The following USP20 variants were observed in gnomAD, a reference collection of about 807,000 sequenced individuals.
USP20 encodes ubiquitin specific peptidase 20, also known as ubiquitin carboxyl-terminal hydrolase 20.
In USP20, 80 loss-of-function variants were observed where a neutral mutation model predicts 124.2. That is an observed-to-expected ratio of 0.64 (90% CI 0.54 to 0.78). The LOEUF is 0.78. Ranked by LOEUF, USP20 falls within the 30% of genes least tolerant of loss-of-function variation. USP20 has a pLI of 0.00. For synonymous variants in USP20, 481 were observed against 512.3 expected (o/e 0.94, Z 0.83); for missense variants, 1,043 against 1,244.4 (o/e 0.84, Z 2.44).
chr9:129,856,250 C>T (rs776171521), intron 3 of USP20, 57 bp from the exon 4 acceptor site: 7 of 1,562,816 alleles, frequency 4.5e-6, no homozygotes, highest in Non-Finnish European at 6.2e-6. Context: ...TCTCAGTGCT[C>T]AGCCCCGCAA....
rs1047924087 is a variant in USP20 at position 129,861,437 on chromosome 9, G to T, written c.428-106G>T. The T allele has an allele frequency of 3.0e-6, 3 of 1,003,588 alleles. No individual in the cohort carries two copies. The African/African-American group carries it at 4.7e-5, about 16-fold the overall frequency. 62.2% of individuals were successfully genotyped at this position (1,003,588 alleles called of 1,614,324 possible). On this transcript the variant is annotated intron_variant, in intron 7 of 25. Coordinates refer to ENST00000372429, the MANE Select transcript of USP20 (RefSeq NM_001110303.4). The stretch of plus-strand genomic sequence containing the variant: ...CGCTTCCACCATGTCCTCTTCTTGG[G>T]TCTTGGGCAGTTGAGAGCCACACCT...
intron 7 of USP20, 48 bp downstream of exon 7, chr9:129,861,081 CTCA>C (rs2033523315): frequency 1.9e-6 from 3 of 1,567,274 alleles, no homozygotes; most frequent in Admixed American, 3.4e-5. Flanking sequence ...GCTGGGGGCC[CTCA>C]TCTGGAGGCT....
At chr9:129,855,679 G>A (rs967805032) in intron 3 of USP20, among the ~76,000 whole-genome samples, 3 of 152,164 alleles carry the variant, frequency 2.0e-5, no homozygotes, top group Non-Finnish European at 4.4e-5. Context: ...ACATGATCAT[G>A]GTGGAAGCTG....
At chr9:129,841,259 CT>C (rs1346052811) in intron 1 of USP20, among the ~76,000 whole-genome samples, 1 of 152,188 alleles carries the variant, frequency 6.6e-6, no homozygotes. Context: ...AGATGGCCAT[CT>C]TCTCACTGTG....
At chr9:129,851,079 G>A (rs963821064) in intron 2 of USP20, among the ~76,000 whole-genome samples, 12 of 152,128 alleles carry the variant, frequency 7.9e-5, no homozygotes, top group African/African-American at 2.9e-4. Context: ...GCTATAATCA[G>A]CAGTCAGATT....
Position 129,880,015 on chromosome 9 carries a change from C to T in USP20, c.2585-98C>T, listed in dbSNP as rs375791775. ...ATAGAAGCCCTGGTTGCCGTCTTCC[C>T]GCTTCGGGGCCTGGCCCTGCGGAGC... On this transcript the variant is annotated intron_variant, in intron 24 of 25. Coordinates refer to ENST00000372429, the MANE Select transcript of USP20 (RefSeq NM_001110303.4). 3.0e-4 allele frequency: 438 copies of T among 1,462,940 alleles called. 4 individuals are homozygous for T. In the South Asian group the frequency reaches 4.8e-3, roughly 16 times the overall value. The allele number at this position is 1,462,940 out of a possible 1,614,324, so 90.6% of individuals were successfully genotyped here.
Position 129,875,549 on chromosome 9 carries a change from C to G in USP20, c.2219-11C>G, listed in dbSNP as rs758661404. The G allele has an allele frequency of 5.0e-6, 8 of 1,613,968 alleles. No individual in the cohort carries two copies. The African/African-American group carries it at 1.1e-4, about 22-fold the overall frequency. ...CGAGCCACAGCTTCGCTCCCTGTACCTTCTTCCCAGGCATCCCGCCCCACA... is the reference window on the plus strand; with the variant it reads ...CGAGCCACAGCTTCGCTCCCTGTACGTTCTTCCCAGGCATCCCGCCCCACA... On this transcript the variant is annotated splice_polypyrimidine_tract_variant and intron_variant, in intron 20 of 25. Coordinates refer to ENST00000372429, the MANE Select transcript of USP20 (RefSeq NM_001110303.4).
At chr9:129,855,639 C>T (rs144335532) in intron 3 of USP20, among the ~76,000 whole-genome samples, 112 of 152,142 alleles carry the variant, frequency 7.4e-4, no homozygotes, top group South Asian at 1.2e-3. Context: ...TGGCACACAT[C>T]GTTTTTGCTA....
rs762386824 is a variant in USP20, at chr9:129,880,227, A to C, written c.2699A>C (p.Asn900Thr). ...GTGGCGCAGCCGCTGGGCCCAGAGA[A>C]CCTGCACGGGGAGCAGAAGATCGAA... ...QSVAQPLGPENLHGEQKIEAE... is the reference protein window; with the variant it reads ...QSVAQPLGPETLHGEQKIEAE... Residue 900 changes from asparagine to threonine, a missense_variant, in exon 25 of 26, where the codon AAC becomes ACC. Transcript: ENST00000372429. The C allele has an allele frequency of 6.2e-7, 1 of 1,612,988 alleles. No individual in the cohort carries two copies. The highest frequency in any genetic ancestry group is 8.5e-7 in the Non-Finnish European group (1 of 1,179,736).
chr9:129,861,898 A>T (rs1193100635), intron 8 of USP20, among the ~76,000 whole-genome samples: 4 of 152,236 alleles, frequency 2.6e-5, no homozygotes, highest in Admixed American at 6.5e-5. Flanking sequence ...AAATTCTCAT[A>T]GCCCTTGCAG....
Position 129,868,196 on chromosome 9 carries a change from G to C in USP20, c.882G>C (p.Glu294Asp). 6.2e-7 allele frequency: 1 copy of C among 1,614,086 alleles called. No individual in the cohort carries two copies. Among genetic ancestry groups the C allele is most frequent in the Non-Finnish European group, 8.5e-7 (1 of 1,179,958 alleles). ...LSCDSSSDRG[E>D]GDGQGRGGGS... ...GTGACTCGAGCAGTGACCGGGGTGA[G>C]GGTGACGGGCAGGGGCGTGGCGGGG... The change falls in exon 11 of 26, where the codon GAG becomes GAC. Residue 294 changes from glutamate to aspartate, a missense_variant. Physicochemically the swap from Glu to Asp is conservative, Grantham distance 45. Coordinates refer to ENST00000372429, the MANE Select transcript of USP20 (RefSeq NM_001110303.4).
At chr9:129,872,027 T>C (rs1221943167) in intron 15 of USP20, among the ~76,000 whole-genome samples, 1 of 152,030 alleles carries the variant, frequency 6.6e-6, no homozygotes, top group African/African-American at 2.4e-5. Flanking sequence ...CGTTGTGGTT[T>C]TGATTTGCAT....
Position 129,879,444 on chromosome 9 carries a change from G to A in USP20, c.2513-129G>A. Reference sequence around the variant, plus strand: ...CACAGAGGAGCATTGGGTGGCTCAGGCGCCTCATCCATTAGAGACTTCACG... The same window carrying A: ...CACAGAGGAGCATTGGGTGGCTCAGACGCCTCATCCATTAGAGACTTCACG... On this transcript the variant is annotated intron_variant, in intron 23 of 25. Coordinates refer to ENST00000372429, the MANE Select transcript of USP20 (RefSeq NM_001110303.4). The surrounding 1 kb of genome is among the most constrained non-coding windows in gnomAD (Gnocchi z 4.2). The A allele has an allele frequency of 2.4e-6, 2 of 832,452 alleles. No homozygotes were observed. The highest frequency in any genetic ancestry group is 2.0e-6 in the Non-Finnish European group (1 of 508,538). 51.6% of individuals were successfully genotyped at this position (832,452 alleles called of 1,614,324 possible). A position where few individuals can be genotyped will look rare whatever the true frequency, so the allele number is the denominator to read the frequency against.
chr9:129,858,352 C>T, intron 5 of USP20, 115 bp from the exon 6 acceptor site: 1 of 1,493,802 alleles, frequency 6.7e-7, no homozygotes, highest in Non-Finnish European at 9.2e-7. Flanking sequence ...GAGCTTCCGG[C>T]CTCTGTCCTG....
In USP20 at chr9:129,880,217, G is replaced by A. The variant is rs764291439; in HGVS notation, c.2689G>A (p.Gly897Ser). The A allele has an allele frequency of 3.1e-6, 5 of 1,613,454 alleles. No individual in the cohort carries two copies. In the South Asian group the frequency reaches 4.4e-5, roughly 14 times the overall value. ...AIRQSVAQPL[G>S]PENLHGEQKI... ...CCGCCAGAGTGTGGCGCAGCCGCTG[G>A]GCCCAGAGAACCTGCACGGGGAGCA... is the stretch of plus-strand genomic sequence containing the variant. The change falls in exon 25 of 26, where the codon GGC becomes AGC. Residue 897 changes from glycine (G) to serine (S), a missense_variant. Coordinates refer to ENST00000372429, the MANE Select transcript of USP20 (RefSeq NM_001110303.4).
Position 129,875,658 on chromosome 9 carries a change from C to T in USP20, c.2300+17C>T. 6.2e-7 allele frequency: 1 copy of T among 1,612,606 alleles called. No homozygotes were observed. Among genetic ancestry groups the T allele is most frequent in the African/African-American group, 1.3e-5 (1 of 75,028 alleles). ...GTACAACAGGTGAGAGCCTGGGAGG[C>T]CAACTTGTCTCCGTCCTGTCCAGGG... On this transcript the variant is annotated intron_variant, in intron 21 of 25. Transcript: ENST00000372429.
rs181344537 is a variant in USP20, at chr9:129,876,258, G to A, written c.2409+20G>A. 74 of 1,590,864 alleles carry A rather than the reference G, an allele frequency of 4.7e-5. No homozygotes were observed. Among genetic ancestry groups the A allele is most frequent in the East Asian group, 1.1e-4 (5 of 43,490 alleles). ...ATCAAGGTGCGTGCGGCGAGGCGGC[G>A]CGGGGGCGGCTCTGCCAGCCTCTGC... On this transcript the variant is annotated intron_variant, in intron 22 of 25. Transcript: ENST00000372429.
intron 6 of USP20, among the ~76,000 whole-genome samples, chr9:129,860,448 A>C (rs1051908417): frequency 3.0e-5 from 1 of 33,730 alleles, no homozygotes; most frequent in Non-Finnish European, 9.0e-5. Flanking sequence ...TATAAATAAA[A>C]TATTTTTTTT....
chr9:129,860,966 A>G lies in USP20; in HGVS notation c.360A>G (p.Lys120=), dbSNP rs1178873537. 19 of 1,613,744 alleles carry G rather than the reference A, an allele frequency of 1.2e-5. No homozygotes were observed. In the East Asian group the frequency reaches 4.0e-4, roughly 34 times the overall value. The change falls in exon 7 of 26, where the codon AAA becomes AAG. Residue 120 remains lysine (K), a synonymous_variant. Coordinates refer to ENST00000372429, the MANE Select transcript of USP20 (RefSeq NM_001110303.4). ...CCCCGCCACCCTCCCACCCTCTGAA[A>G]GCTGTTCCTATTGCTGTGGCTGATG... The part of the protein sequence containing the change: ...QDSPPPSHPL[K]AVPIAVADEG...
Sources: gnomAD v4.1 joint callset for allele counts (sites outside exome capture counted in the v4.1 genomes callset) on GRCh38, gnomAD v4.1.1 for gene constraint, Gnocchi (gnomAD v3.1) non-coding constraint, MANE v1.5 for transcripts, NCBI Gene and HGNC (gene_info 2026-07-23, HGNC 2026-07-21) for gene names.